KLF8: variants seen among roughly 807,000 people sequenced by gnomAD.
KLF8 encodes the protein KLF transcription factor 8, also known as Krueppel-like factor 8.
A neutral mutation model predicts 18.2 loss-of-function variants in KLF8; 10 were observed. The ratio of observed to expected loss-of-function variants is 0.55; its 90% confidence interval spans 0.34 to 0.93. The LOEUF (loss-of-function observed/expected upper bound fraction) is 0.93, where lower values mean the gene tolerates loss of function less well. Ranked by LOEUF, KLF8 falls within the 40% of genes least tolerant of loss-of-function variation. KLF8 has a pLI of 0.02. For synonymous variants in KLF8, 109 were observed against 97.3 expected (o/e 1.12, Z -0.71); for missense variants, 264 against 277.9 (o/e 0.95, Z 0.36).
At chrX:56,158,071 G>T in the KLF8 span, among the ~76,000 whole-genome samples, 1 of 111,761 alleles carries the variant, frequency 8.9e-6, no homozygotes, top group Non-Finnish European at 1.9e-5. Flanking sequence ...TTTGTATAAG[G>T]TGTAAGGAAG....
the KLF8 span, among the ~76,000 whole-genome samples, chrX:56,187,147 G>T: frequency 5.4e-5 from 6 of 111,583 alleles, no homozygotes; most frequent in Admixed American, 5.7e-4. Flanking sequence ...AAGAAGAAAA[G>T]AGAGAAGAAT....
chrX:56,111,992 A>G, the KLF8 span, among the ~76,000 whole-genome samples: 1 of 111,920 alleles, frequency 8.9e-6, no homozygotes, highest in East Asian at 2.8e-4. Context: ...GTATATACCC[A>G]AAGGGTTATA....
the KLF8 span, among the ~76,000 whole-genome samples, chrX:56,208,017 C>G: frequency 1.8e-5 from 2 of 110,824 alleles, no homozygotes; most frequent in African/African-American, 6.6e-5. Flanking sequence ...AGTGGAACTC[C>G]CATTTATAAA....
chrX:56,216,062 C>T, the KLF8 span, among the ~76,000 whole-genome samples: 21 of 107,585 alleles, frequency 2.0e-4, no homozygotes, highest in Non-Finnish European at 4.0e-4. Context: ...TCATCTTAGA[C>T]ACTTCCCTCT....
At chrX:56,160,834 T>C in the KLF8 span, among the ~76,000 whole-genome samples, 1 of 111,589 alleles carries the variant, frequency 9.0e-6, no homozygotes, top group Non-Finnish European at 1.9e-5. Flanking sequence ...GGGTCTTGAC[T>C]CTTTATCCAA....
chrX:55,925,592 A>T, the KLF8 span, among the ~76,000 whole-genome samples: 109 of 111,974 alleles, frequency 9.7e-4, no homozygotes, highest in African/African-American at 3.5e-3. Flanking sequence ...CCATAAAGAA[A>T]TAGGTATACA....
the KLF8 span, among the ~76,000 whole-genome samples, chrX:56,159,045 T>G: frequency 8.9e-6 from 1 of 111,931 alleles, no homozygotes; most frequent in Admixed American, 9.5e-5. Context: ...GCTCTTATTA[T>G]TTGGAGATAT....
At chrX:56,150,959 G>A in the KLF8 span, among the ~76,000 whole-genome samples, 1 of 111,832 alleles carries the variant, frequency 8.9e-6, no homozygotes, top group Non-Finnish European at 1.9e-5. Context: ...GAAGGTCAGA[G>A]AAGGCTTGAC....
the KLF8 span, among the ~76,000 whole-genome samples, chrX:56,060,126 CT>C: frequency 9.0e-6 from 1 of 111,609 alleles, no homozygotes; most frequent in Non-Finnish European, 1.9e-5. Context: ...ATCATGTGAT[CT>C]GCAAAAGAGA....
At chrX:56,146,935 A>G in the KLF8 span, among the ~76,000 whole-genome samples, 4 of 112,088 alleles carry the variant, frequency 3.6e-5, no homozygotes, top group Admixed American at 2.8e-4. Flanking sequence ...TTTAAGTTGT[A>G]CTCTAAGAAC....
the KLF8 span, among the ~76,000 whole-genome samples, chrX:56,012,070 T>G: frequency 3.6e-5 from 4 of 111,785 alleles, no homozygotes; most frequent in East Asian, 1.1e-3. Context: ...CTGAAAGAAT[T>G]GAAAAGGAGT....
At chrX:55,941,265 G>A in the KLF8 span, among the ~76,000 whole-genome samples, 3 of 112,054 alleles carry the variant, frequency 2.7e-5, no homozygotes, top group Non-Finnish European at 5.6e-5. Flanking sequence ...AACAAGTAAT[G>A]GGGAAAGGAT....
At chrX:55,940,795 T>C in the KLF8 span, among the ~76,000 whole-genome samples, 1 of 111,030 alleles carries the variant, frequency 9.0e-6, no homozygotes, top group African/African-American at 3.3e-5. Context: ...GAGAATAAAA[T>C]ACCTAGGAAT....
At chrX:56,174,069 T>C in the KLF8 span, among the ~76,000 whole-genome samples, 1 of 111,886 alleles carries the variant, frequency 8.9e-6, no homozygotes, top group African/African-American at 3.2e-5. Context: ...CCTCTTTTCC[T>C]GATTGAATAA....
At chrX:56,205,220 T>G in the KLF8 span, among the ~76,000 whole-genome samples, 1 of 111,345 alleles carries the variant, frequency 9.0e-6, no homozygotes, top group African/African-American at 3.3e-5. Context: ...AAAGGATGTA[T>G]TTTTTCTTAA....
chrX:56,188,077 T>A, the KLF8 span, among the ~76,000 whole-genome samples: 2 of 110,794 alleles, frequency 1.8e-5, no homozygotes, highest in African/African-American at 6.6e-5. Context: ...AAAGAGGAAG[T>A]CAAATTGTCC....
At chrX:56,073,055 C>T in the KLF8 span, among the ~76,000 whole-genome samples, 23 of 104,175 alleles carry the variant, frequency 2.2e-4, no homozygotes, top group Admixed American at 1.9e-3. Flanking sequence ...GGCGCGATTT[C>T]GGCTCACTGC....
At chrX:55,998,361 C>T in the KLF8 span, among the ~76,000 whole-genome samples, 3 of 111,820 alleles carry the variant, frequency 2.7e-5, no homozygotes, top group Admixed American at 9.4e-5. Flanking sequence ...TCCCTTCCCA[C>T]GAGGCCATAT....
chrX:56,051,727 G>T, the KLF8 span, among the ~76,000 whole-genome samples: 17 of 108,261 alleles, frequency 1.6e-4, no homozygotes, highest in African/African-American at 5.6e-4. Context: ...CAACTTTGGT[G>T]AATCTGACAA....
Sources: gnomAD v4.1 joint callset for allele counts (sites outside exome capture counted in the v4.1 genomes callset) on GRCh38, gnomAD v4.1.1 for gene constraint, MANE v1.5 for transcripts, NCBI Gene and HGNC (gene_info 2026-07-23, HGNC 2026-07-21) for gene names.